Variants in FBXO10 observed in about 807,000 individuals in gnomAD.
FBXO10 encodes F-box only protein 10.
A neutral mutation model predicts 80.7 loss-of-function variants in FBXO10; 39 were observed. The observed-to-expected ratio is 0.48, with a 90% confidence interval of 0.37 to 0.63. The LOEUF is 0.63. Among genes scored for constraint, FBXO10 ranks in the 30% least tolerant of loss-of-function variants. The pLI, the probability that FBXO10 is intolerant of heterozygous loss-of-function variation, is 0.00. For missense variants in FBXO10, 1,025 were observed against 1,269.0 expected, an observed-to-expected ratio of 0.81 and a Z score of 2.92; for synonymous variants, 449 against 489.6, an observed-to-expected ratio of 0.92 and a Z score of 1.09.
intron 1 of FBXO10, among the ~76,000 whole-genome samples, chr9:37,552,059 T>C (rs1163186452): frequency 6.6e-6 from 1 of 152,210 alleles, no homozygotes; most frequent in East Asian, 1.9e-4. Context: ...TCCAATACCT[T>C]GTTCCTCATT....
At chr9:37,551,220 G>A (rs916437900) in intron 1 of FBXO10, among the ~76,000 whole-genome samples, 10 of 152,222 alleles carry the variant, frequency 6.6e-5, no homozygotes, top group African/African-American at 2.4e-4. Flanking sequence ...TTGGGGGCTG[G>A]GTCTCCAAGG....
chr9:37,540,158 T>C (rs764948301), intron 2 of FBXO10, among the ~76,000 whole-genome samples: 2 of 152,076 alleles, frequency 1.3e-5, no homozygotes, highest in South Asian at 2.1e-4. Flanking sequence ...ACAATTGTTA[T>C]TGGCAATATA....
chr9:37,522,744 G>A (rs1269197492), intron 7 of FBXO10, 81 bp downstream of exon 7: 3 of 1,481,172 alleles, frequency 2.0e-6, no homozygotes, highest in South Asian at 1.3e-5. Context: ...GGGAAAGGCA[G>A]TGACCTTCTC....
chr9:37,518,257 G>A lies in FBXO10; in HGVS notation c.2382C>T (p.Leu794=). 6.2e-7 allele frequency: 1 copy of A among 1,614,072 alleles called. No individual in the cohort carries two copies. The highest frequency in any genetic ancestry group is 2.2e-5 in the East Asian group (1 of 44,890). Residue 794 remains leucine (L), a synonymous_variant, in exon 9 of 11, where the codon CTC becomes CTT. Coordinates refer to ENST00000432825, the MANE Select transcript of FBXO10 (RefSeq NM_012166.3). ...VKVEAQCKVE[L]RGNGIYDNRG... is the part of the protein sequence containing the mutation. ...TGTTGTCATAGATACCATTGCCCCG[G>A]AGCTCCACTTTGCACTGGGCCTCAA...
intron 3 of FBXO10, among the ~76,000 whole-genome samples, chr9:37,534,586 C>A (rs2119105315): frequency 6.6e-6 from 1 of 152,286 alleles, no homozygotes; most frequent in Non-Finnish European, 1.5e-5. Flanking sequence ...TGTTAAAGAC[C>A]AGCTGTGAAT....
intron 3 of FBXO10, among the ~76,000 whole-genome samples, chr9:37,534,947 C>T (rs1204025019): frequency 1.3e-5 from 2 of 152,092 alleles, no homozygotes; most frequent in African/African-American, 4.8e-5. Context: ...AGACACAGCA[C>T]CTACCTAGAC....
chr9:37,529,269 G>A lies in FBXO10; in HGVS notation c.1570-9C>T. ...TGGTGGATCTGGTTACACTGCAAGT[G>A]AAAATGAGACACCACAGAAGCCAGA... On this transcript the variant is annotated splice_polypyrimidine_tract_variant and intron_variant, in intron 4 of 10. Coordinates refer to ENST00000432825, the MANE Select transcript of FBXO10 (RefSeq NM_012166.3). The A allele has an allele frequency of 5.6e-6, 9 of 1,599,456 alleles. No homozygotes were observed. The highest frequency in any genetic ancestry group is 6.8e-6 in the Non-Finnish European group (8 of 1,173,098).
chr9:37,566,795 G>T (rs919872623), intron 1 of FBXO10, among the ~76,000 whole-genome samples: 5 of 152,206 alleles, frequency 3.3e-5, no homozygotes, highest in Non-Finnish European at 5.9e-5. Flanking sequence ...AAAAACTTCA[G>T]CTGGGCTTTT....
Position 37,523,643 on chromosome 9 carries a change from C to T in FBXO10, c.1778-666G>A, listed in dbSNP as rs115461603. On this transcript the variant is annotated intron_variant, in intron 6 of 10. Coordinates refer to ENST00000432825, the MANE Select transcript of FBXO10 (RefSeq NM_012166.3). ...AAAGGAAACAAAACAAAGAATAGGCCGGGTGCGGTGGCTCACGCCTGTAAC... is the reference window on the plus strand; with the variant it reads ...AAAGGAAACAAAACAAAGAATAGGCTGGGTGCGGTGGCTCACGCCTGTAAC... Among the ~76,000 whole-genome samples, 725 of 152,272 alleles carry T rather than the reference C, an allele frequency of 4.8e-3. 5 individuals are homozygous for T. Among genetic ancestry groups the T allele is most frequent in the African/African-American group, 0.016 (681 of 41,552 alleles).
At chr9:37,529,767 G>A (rs535416230) in intron 4 of FBXO10, among the ~76,000 whole-genome samples, 1 of 152,252 alleles carries the variant, frequency 6.6e-6, no homozygotes, top group East Asian at 1.9e-4. Flanking sequence ...TGCAGACACT[G>A]GGGGGCCAAG....
rs547202230 is a variant in FBXO10, at chr9:37,556,227, A to G, written c.-6-14453T>C. On this transcript the variant is annotated intron_variant, in intron 1 of 10. Coordinates refer to ENST00000432825, the MANE Select transcript of FBXO10 (RefSeq NM_012166.3). ...ACCACAGTATCACCACATTTTTGAC[A>G]CTTTTTTTCCTTTTATGCATTATGC... 4.8e-4 allele frequency among the ~76,000 whole-genome samples: 73 copies of G among 152,234 alleles called. 1 individual carries two copies. The highest frequency in any genetic ancestry group is 1.7e-3 in the African/African-American group (69 of 41,546).
chr9:37,567,681 C>T (rs1440575062), intron 1 of FBXO10, among the ~76,000 whole-genome samples: 1 of 152,178 alleles, frequency 6.6e-6, no homozygotes, highest in Non-Finnish European at 1.5e-5. Context: ...AACTAGGAGG[C>T]ACCATGCCTG....
intron 9 of FBXO10, 26 bp from the exon 10 acceptor site, chr9:37,516,111 AC>A (rs751819264): frequency 4.4e-6 from 7 of 1,603,252 alleles, no homozygotes; most frequent in African/African-American, 1.3e-5. Flanking sequence ...AGAGATTGTC[AC>A]ACCTCAGGGA....
intron 3 of FBXO10, among the ~76,000 whole-genome samples, chr9:37,533,371 C>A (rs983827077): frequency 2.0e-5 from 3 of 150,906 alleles, no homozygotes; most frequent in Admixed American, 6.6e-5. Context: ...CACGGTGAAG[C>A]CTCGTTTCTA....
At chr9:37,517,675 A>G (rs1327234870) in intron 9 of FBXO10, among the ~76,000 whole-genome samples, 1 of 151,644 alleles carries the variant, frequency 6.6e-6, no homozygotes, top group Non-Finnish European at 1.5e-5. Context: ...GCAGGACTGC[A>G]GTGCAAGGCG....
chr9:37,513,797 C>A (rs938367104), intron 10 of FBXO10, among the ~76,000 whole-genome samples: 2 of 152,078 alleles, frequency 1.3e-5, no homozygotes, highest in African/African-American at 4.8e-5. Flanking sequence ...ACCATGTTGG[C>A]CAGGCTGGTC....
rs376806190 is a variant in FBXO10 at position 37,521,799 on chromosome 9, A to C, written c.1970T>G (p.Leu657Arg). ...GACGTGGTTGCTGGTGACATGGGGG[A>C]GGCTGGACGACATCATCCACACACC... is the stretch of plus-strand genomic sequence containing the variant. Reference protein sequence around the residue: ...GCGVWMMSSSLPHVTSNHVSY... With the variant: ...GCGVWMMSSSRPHVTSNHVSY... The change falls in exon 8 of 11, where the codon CTC (leucine) becomes CGC (arginine). Residue 657 changes from leucine to arginine, a missense_variant. Leu to Arg is a moderately radical substitution (Grantham distance 102). Transcript: ENST00000432825. 71 of 1,604,004 alleles carry C rather than the reference A, an allele frequency of 4.4e-5. No individual in the cohort carries two copies. In the African/African-American group the frequency reaches 8.4e-4, roughly 19 times the overall value.
chr9:37,538,288 C>T (rs1821824892), intron 2 of FBXO10, among the ~76,000 whole-genome samples: 1 of 152,174 alleles, frequency 6.6e-6, no homozygotes, highest in Admixed American at 6.5e-5. Flanking sequence ...AGAGGCCTAG[C>T]CGCATGTGCT....
intron 1 of FBXO10, among the ~76,000 whole-genome samples, chr9:37,559,529 A>C (rs1204128454): frequency 6.6e-6 from 1 of 152,244 alleles, no homozygotes; most frequent in African/African-American, 2.4e-5. Flanking sequence ...GATGATTAAA[A>C]AATTGAAAGC....
Sources: allele counts gnomAD v4.1 joint callset (sites outside exome capture counted in the v4.1 genomes callset), GRCh38; gene constraint gnomAD v4.1.1; transcripts MANE v1.5; gene names NCBI Gene and HGNC (gene_info 2026-07-23, HGNC 2026-07-21).